The following GRB10 variants were observed in gnomAD, a reference collection of about 807,000 sequenced individuals.
GRB10 encodes the protein growth factor receptor-bound protein 10.
In GRB10, 20 loss-of-function variants were observed where a neutral mutation model predicts 80.9. That is an observed-to-expected ratio of 0.25 (90% CI 0.17 to 0.36). The LOEUF is 0.36. GRB10 is among the 10% of genes least tolerant of loss of function. GRB10 has a pLI of 1.00. For synonymous variants in GRB10, 291 were observed against 291.5 expected (o/e 1.00, Z 0.02); for missense variants, 548 against 747.7 (o/e 0.73, Z 3.12).
At chr7:50,600,972 A>C (rs117418951) in intron 17 of GRB10, among the ~76,000 whole-genome samples, 96 of 152,368 alleles carry the variant, frequency 6.3e-4, no homozygotes, top group Non-Finnish European at 8.8e-4. Flanking sequence ...ATTTGCCTGG[A>C]AACATGGTGA....
At chr7:50,706,971 G>C (rs2065127046) in intron 4 of GRB10, among the ~76,000 whole-genome samples, 1 of 152,198 alleles carries the variant, frequency 6.6e-6, no homozygotes, top group African/African-American at 2.4e-5. Flanking sequence ...AGCTTTTTAC[G>C]CAGTAGGCAA....
intron 2 of GRB10, among the ~76,000 whole-genome samples, chr7:50,768,582 C>T (rs2076622629): frequency 6.6e-6 from 1 of 152,236 alleles, no homozygotes; most frequent in African/African-American, 2.4e-5. Flanking sequence ...TTGTCACTTA[C>T]AGAGCCACCT....
chr7:50,635,990 T>G (rs111826734), intron 7 of GRB10, among the ~76,000 whole-genome samples: 4,530 of 91,128 alleles, frequency 0.05, 382 homozygotes, highest in African/African-American at 0.19. Context: ...TTTTTTTTTT[T>G]GAGACAGAGT....
At chr7:50,775,225 G>C (rs2077500513) in intron 2 of GRB10, among the ~76,000 whole-genome samples, 1 of 146,612 alleles carries the variant, frequency 6.8e-6, no homozygotes, top group African/African-American at 2.5e-5. Flanking sequence ...TTACAAAAGG[G>C]AGAAATAGGA....
rs1455832824 is a variant in GRB10 at position 50,595,479 on chromosome 7, T to C, written c.1596A>G (p.Thr532=). 6.2e-7 allele frequency: 1 copy of C among 1,611,014 alleles called. No homozygotes were observed. Among genetic ancestry groups the C allele is most frequent in the Non-Finnish European group, 8.5e-7 (1 of 1,177,378 alleles). ...SQSNPKAFVL[T]LCHHQKIKNF... Reference sequence around the variant, plus strand: ...TTTTAATTTTCTGGTGATGACACAGTGTGAGTACAAATGCCTTTGGATTAC... The same window carrying C: ...TTTTAATTTTCTGGTGATGACACAGCGTGAGTACAAATGCCTTTGGATTAC... Residue 532 remains threonine (T), a synonymous_variant, in exon 18 of 19, where the codon ACA becomes ACG. Coordinates refer to ENST00000401949, the MANE Select transcript of GRB10 (RefSeq NM_001350814.2).
At chr7:50,669,659 CTG>C in intron 7 of GRB10, 61 bp downstream of exon 7, 1 of 1,480,264 alleles carries the variant, frequency 6.8e-7, no homozygotes, top group South Asian at 1.1e-5. Flanking sequence ...TCTGGCACAT[CTG>C]TGCAGATCCC....
chr7:50,685,940 T>G (rs2062056424), intron 5 of GRB10, among the ~76,000 whole-genome samples: 1 of 152,146 alleles, frequency 6.6e-6, no homozygotes, highest in South Asian at 2.1e-4. Flanking sequence ...AAGGGGCAGA[T>G]GATCTAGAGC....
intron 3 of GRB10, among the ~76,000 whole-genome samples, chr7:50,749,294 A>G (rs1419126344): frequency 6.6e-6 from 1 of 151,776 alleles, no homozygotes; most frequent in African/African-American, 2.4e-5. Context: ...ATGCCCAGCT[A>G]ATTTTTGTAT....
At chr7:50,674,344 T>TC in intron 6 of GRB10, 92 bp downstream of exon 6, 10 of 1,250,834 alleles carry the variant, frequency 8.0e-6, no homozygotes, top group Admixed American at 1.9e-5. Context: ...CCAACACTAT[T>TC]CCCCCCAACA....
In GRB10 at chr7:50,664,425, C is replaced by A. The variant is rs147472096; in HGVS notation, c.504+5297G>T. On this transcript the variant is annotated intron_variant, in intron 7 of 18. Transcript: ENST00000401949. ...CAGCAGAGGGAGACAGTCACCAGGC[C>A]GTGGCGGGGGGCCAGCCCACCTGCC... Among the ~76,000 whole-genome samples, 5 of 152,292 alleles carry A rather than the reference C, an allele frequency of 3.3e-5. No individual in the cohort carries two copies. In the East Asian group the frequency reaches 5.8e-4, roughly 18 times the overall value.
At chr7:50,763,096 C>G (rs538416639) in intron 2 of GRB10, among the ~76,000 whole-genome samples, 3 of 148,244 alleles carry the variant, frequency 2.0e-5, no homozygotes, top group African/African-American at 7.5e-5. Context: ...CCACTCTGGG[C>G]GACAGAGCAA....
At chr7:50,760,103 C>T (rs866680723) in intron 2 of GRB10, among the ~76,000 whole-genome samples, 5 of 152,276 alleles carry the variant, frequency 3.3e-5, no homozygotes, top group Middle Eastern at 3.4e-3. Flanking sequence ...CCTCTACGGC[C>T]ATGCAGACCA....
intron 17 of GRB10, 50 bp from the exon 18 acceptor site, chr7:50,595,580 T>G (rs775073839): frequency 4.8e-6 from 4 of 840,822 alleles, no homozygotes; most frequent in South Asian, 2.7e-5. Flanking sequence ...AATCTGGAAC[T>G]AATCACACAC....
chr7:50,746,605 G>C (rs2072950613), intron 3 of GRB10, among the ~76,000 whole-genome samples: 2 of 152,100 alleles, frequency 1.3e-5, no homozygotes, highest in African/African-American at 4.8e-5. Flanking sequence ...AAAACTACCT[G>C]CAGACCCTCC....
chr7:50,787,315 A>G (rs1174704360), upstream of GRB10, among the ~76,000 whole-genome samples: 1 of 151,970 alleles, frequency 6.6e-6, no homozygotes. Flanking sequence ...ATCGCAATCT[A>G]TTGTCTAGAC....
chr7:50,627,059 T>A, intron 7 of GRB10, 81 bp from the exon 8 acceptor site: 1 of 1,450,706 alleles, frequency 6.9e-7, no homozygotes, highest in Non-Finnish European at 9.6e-7. Flanking sequence ...AGAAAACAGG[T>A]AAAGTAAAAA....
At chr7:50,744,435 T>C (rs1397771588) in intron 3 of GRB10, among the ~76,000 whole-genome samples, 4 of 152,164 alleles carry the variant, frequency 2.6e-5, no homozygotes, top group Non-Finnish European at 5.9e-5. Flanking sequence ...GAACATCCCA[T>C]GCAGTTAAAA....
At chr7:50,641,702 G>C (rs1020528938) in intron 7 of GRB10, among the ~76,000 whole-genome samples, 1 of 152,118 alleles carries the variant, frequency 6.6e-6, no homozygotes, top group South Asian at 2.1e-4. Context: ...ACACAAACAC[G>C]TGGGCAGCTG....
At chr7:50,753,390 C>T (rs559955390) in intron 3 of GRB10, among the ~76,000 whole-genome samples, 6 of 152,290 alleles carry the variant, frequency 3.9e-5, no homozygotes, top group Non-Finnish European at 8.8e-5. Context: ...CCATGGTGCC[C>T]GGCACCTGGA....
Sources: allele counts gnomAD v4.1 joint callset (sites outside exome capture counted in the v4.1 genomes callset), GRCh38; gene constraint gnomAD v4.1.1; transcripts MANE v1.5; gene names NCBI Gene and HGNC (gene_info 2026-07-23, HGNC 2026-07-21).